ZNRF3: variants seen among roughly 807,000 people sequenced by gnomAD.
The protein encoded by ZNRF3 is E3 ubiquitin-protein ligase ZNRF3.
A neutral mutation model predicts 72.5 loss-of-function variants in ZNRF3; 23 were observed. The ratio of observed to expected loss-of-function variants is 0.32; its 90% CI spans 0.23 to 0.45. The LOEUF (loss-of-function observed/expected upper bound fraction) is 0.45, where lower values mean the gene tolerates loss of function less well. Ranked by LOEUF, ZNRF3 falls within the 20% of genes least tolerant of loss-of-function variation. ZNRF3 has a pLI of 1.00. For missense variants in ZNRF3, 1,169 were observed against 1,272.1 expected, an observed-to-expected ratio of 0.92 and a Z score of 1.23; for synonymous variants, 610 against 545.3, an observed-to-expected ratio of 1.12 and a Z score of -1.65.
chr22:29,043,497 C>G (rs2037007933), intron 4 of ZNRF3, 67 bp downstream of exon 4: 1 of 1,571,882 alleles, frequency 6.4e-7, no homozygotes, highest in African/African-American at 1.4e-5. Flanking sequence ...CTTTATTTCC[C>G]TTGGGCTTTC....
chr22:28,883,742 C>G lies in ZNRF3; in HGVS notation c.-25C>G, dbSNP rs1370390559. ...GCGACTATGCCCGGCCGCGCCCGCC[C>G]TCCGCGCCCTCCCGCCGCAGGACCA... On this transcript the variant is annotated 5_prime_UTR_variant, in exon 1 of 9. Transcript: ENST00000544604. The surrounding 1 kb of genome is among the most constrained non-coding windows in gnomAD (Gnocchi z 5.5). 1 of 981,336 alleles carries G rather than the reference C, an allele frequency of 1.0e-6. No individual in the cohort carries two copies. Among genetic ancestry groups the G allele is most frequent in the African/African-American group, 1.8e-5 (1 of 56,614 alleles). 60.8% of individuals were successfully genotyped at this position (981,336 alleles called of 1,614,324 possible). A position where few individuals can be genotyped will look rare whatever the true frequency, so the allele number is the denominator to read the frequency against.
At chr22:28,926,974 T>C (rs1215333544) in intron 1 of ZNRF3, among the ~76,000 whole-genome samples, 1 of 148,904 alleles carries the variant, frequency 6.7e-6, no homozygotes, top group African/African-American at 2.5e-5. Flanking sequence ...ATACAAAAAT[T>C]AGCTGGGTGT....
At chr22:28,958,235 T>C (rs1332664354) in intron 1 of ZNRF3, among the ~76,000 whole-genome samples, 2 of 152,212 alleles carry the variant, frequency 1.3e-5, no homozygotes, top group Non-Finnish European at 2.9e-5. Context: ...TAATAACAGC[T>C]AAGGTTGCAA....
chr22:28,909,044 C>T (rs1426785307), intron 1 of ZNRF3, among the ~76,000 whole-genome samples: 1 of 151,792 alleles, frequency 6.6e-6, no homozygotes, highest in Non-Finnish European at 1.5e-5. Flanking sequence ...TACACGTGCA[C>T]GCTGCCACAC....
At chr22:29,031,911 C>T (rs1456275127) in intron 2 of ZNRF3, among the ~76,000 whole-genome samples, 1 of 152,246 alleles carries the variant, frequency 6.6e-6, no homozygotes, top group Non-Finnish European at 1.5e-5. Context: ...CTTTAGATGG[C>T]TGTGTCTCTC....
At chr22:28,955,223 T>G (rs1376987181) in intron 1 of ZNRF3, among the ~76,000 whole-genome samples, 2 of 151,756 alleles carry the variant, frequency 1.3e-5, no homozygotes, top group Admixed American at 1.3e-4. Flanking sequence ...TAAAATGTTT[T>G]GTAGCGATGG....
chr22:28,900,121 C>T (rs892462522), intron 1 of ZNRF3, among the ~76,000 whole-genome samples: 3 of 152,108 alleles, frequency 2.0e-5, no homozygotes, highest in Admixed American at 6.5e-5. Context: ...GGTAACTAAC[C>T]TAGTGATGAC....
At chr22:28,931,492 A>G (rs953447675) in intron 1 of ZNRF3, among the ~76,000 whole-genome samples, 12 of 152,214 alleles carry the variant, frequency 7.9e-5, no homozygotes, top group Non-Finnish European at 5.9e-5. Flanking sequence ...AGCAGTTCTC[A>G]TGAGGGAAAC....
Position 29,049,652 on chromosome 22 carries a change from G to T in ZNRF3, c.1471G>T (p.Ala491Ser). 1 of 1,609,534 alleles carries T rather than the reference G, an allele frequency of 6.2e-7. No homozygotes were observed. ...GGAGGGGCAGTCCCCACCTAGCCTC[G>T]CACCCCGGGGCCCGGCCCGTGCCTT... ...EQEGQSPPSL[A>S]PRGPARAFPP... Residue 491 changes from alanine to serine, a missense_variant, in exon 8 of 9, where the codon GCA (alanine) becomes TCA (serine). By Grantham distance (99) the Ala-to-Ser change is moderately conservative. Around this residue, in one of 2 missense-constraint regions of ZNRF3, gnomAD observed 783 missense variants for 731.4 expected, o/e 1.07. Coordinates refer to ENST00000544604, the MANE Select transcript of ZNRF3 (RefSeq NM_001206998.2). This position sits in a 1 kb window ranked among gnomAD's most constrained non-coding sequence, Gnocchi z 5.2.
chr22:29,015,695 A>G (rs955955100), intron 2 of ZNRF3, among the ~76,000 whole-genome samples: 2 of 150,796 alleles, frequency 1.3e-5, no homozygotes, highest in Non-Finnish European at 2.9e-5. Context: ...AAATCCTTCC[A>G]GACTTCTTTC....
rs182491179 is a variant in ZNRF3 at position 29,044,900 on chromosome 22, C to T, written c.744+10C>T. The T allele has an allele frequency of 1.5e-3, 2,382 of 1,594,696 alleles. 2 individuals carry two copies. The highest frequency in any genetic ancestry group is 1.9e-3 in the Non-Finnish European group (2,195 of 1,162,440). ...GCAGCGACGCAGTCAGGTAGTGCCT[C>T]TGTGTGTAGCCCGTGAGCAGTAACC... On this transcript the variant is annotated intron_variant, in intron 5 of 8. Coordinates refer to ENST00000544604, the MANE Select transcript of ZNRF3 (RefSeq NM_001206998.2).
intron 1 of ZNRF3, among the ~76,000 whole-genome samples, chr22:28,928,748 G>A (rs373653913): frequency 1.3e-5 from 2 of 151,790 alleles, no homozygotes; most frequent in African/African-American, 2.4e-5. Context: ...CGCCCGCCTC[G>A]GCCTCCCAAA....
chr22:29,050,949 G>A lies in ZNRF3; in HGVS notation c.2767+1G>A. ...AGCACCACTGCCACTGAGGCTGCAG[G>A]TGAGAGCAGGAAATGGCAGTAGGTC... On this transcript the variant is annotated splice_donor_variant, in intron 8 of 8. Transcript: ENST00000544604. LOFTEE classifies it high-confidence loss of function. 1 of 1,508,744 alleles carries A rather than the reference G, an allele frequency of 6.6e-7. No homozygotes were observed. Among genetic ancestry groups the A allele is most frequent in the South Asian group, 1.3e-5 (1 of 76,324 alleles). The allele number at this position is 1,508,744 out of a possible 1,614,324, so 93.5% of individuals were successfully genotyped here. A position where few individuals can be genotyped will look rare whatever the true frequency, so the allele number is the denominator to read the frequency against.
intron 1 of ZNRF3, among the ~76,000 whole-genome samples, chr22:28,918,537 C>CGTGTGTGTGTGT (rs56876101): frequency 4.0e-5 from 6 of 148,744 alleles, no homozygotes; most frequent in African/African-American, 1.5e-4. Context: ...TGCATGTGTG[C>CGTGTGTGTGTGT]GTGTGTGTGT....
intron 1 of ZNRF3, among the ~76,000 whole-genome samples, chr22:28,887,571 T>A (rs1284629532): frequency 6.6e-6 from 1 of 152,192 alleles, no homozygotes; most frequent in Non-Finnish European, 1.5e-5. Flanking sequence ...TGTCTCCATC[T>A]GTGAAAGTTG....
At chr22:28,986,739 A>G (rs2035860541) in intron 1 of ZNRF3, 2 of 781,750 alleles carry the variant, frequency 2.6e-6, no homozygotes, top group South Asian at 1.2e-4. Flanking sequence ...TGTTAAATTT[A>G]TGGTATTTCA....
chr22:29,049,846 C>T lies in ZNRF3; in HGVS notation c.1665C>T (p.Ser555=), dbSNP rs1236631823. The change falls in exon 8 of 9, where the codon AGC becomes AGT. Residue 555 remains serine, a synonymous_variant. Transcript: ENST00000544604. The surrounding 1 kb of genome is among the most constrained non-coding windows in gnomAD (Gnocchi z 5.2). ...CAGGCAGCGACAGCAGCAGCAGCAG[C>T]AGCTCCGGCCAGTGCCACTGTTCCT... ...DCPGSDSSSS[S]SSGQCHCSSS... 1.9e-6 allele frequency: 3 copies of T among 1,607,932 alleles called. No individual in the cohort carries two copies. The highest frequency in any genetic ancestry group is 2.5e-6 in the Non-Finnish European group (3 of 1,176,992).
intron 2 of ZNRF3, among the ~76,000 whole-genome samples, chr22:29,002,077 C>T (rs1317802123): frequency 1.3e-5 from 2 of 152,148 alleles, no homozygotes; most frequent in Non-Finnish European, 1.5e-5. Flanking sequence ...TTATCTGGGA[C>T]ATCTGAGCCA....
chr22:28,957,935 A>G (rs1344833870), intron 1 of ZNRF3, among the ~76,000 whole-genome samples: 3 of 151,716 alleles, frequency 2.0e-5, no homozygotes, highest in Admixed American at 6.6e-5. Context: ...CCTGTAATCA[A>G]TCAGCACTTT....
Sources: gnomAD v4.1 joint callset for allele counts (sites outside exome capture counted in the v4.1 genomes callset) on GRCh38, gnomAD v4.1.1 for gene constraint, gnomAD v4.1.1 regional missense constraint, Gnocchi (gnomAD v3.1) non-coding constraint, MANE v1.5 for transcripts, NCBI Gene and HGNC (gene_info 2026-07-23, HGNC 2026-07-21) for gene names.